Variants in CACNA2D3 observed in about 807,000 individuals in gnomAD.
CACNA2D3 encodes voltage-dependent calcium channel subunit alpha-2/delta-3.
CACNA2D3 carries 60 observed loss-of-function variants against 160.6 expected under a neutral mutation model. The ratio of observed to expected loss-of-function variants is 0.37; its 90% CI spans 0.30 to 0.46. The LOEUF is 0.46. Among genes scored for constraint, CACNA2D3 ranks in the 20% least tolerant of loss-of-function variants. The pLI is 1.00. For missense variants in CACNA2D3, 1,205 were observed against 1,365.0 expected (o/e 0.88, Z 1.85); for synonymous variants, 558 against 492.9 (o/e 1.13, Z -1.75).
At chr3:54,903,762 A>G (rs1559623756) in intron 27 of CACNA2D3, among the ~76,000 whole-genome samples, 1 of 152,132 alleles carries the variant, frequency 6.6e-6, no homozygotes, top group Non-Finnish European at 1.5e-5. Context: ...GACTGGTGTG[A>G]GATGATATCT....
At chr3:54,211,917 A>G (rs1213430704) in intron 2 of CACNA2D3, among the ~76,000 whole-genome samples, 2 of 152,214 alleles carry the variant, frequency 1.3e-5, no homozygotes, top group African/African-American at 4.8e-5. Context: ...AGCAAGGTGC[A>G]CAATGAAGCA....
intron 8 of CACNA2D3, among the ~76,000 whole-genome samples, chr3:54,576,928 T>A (rs1195804001): frequency 2.0e-5 from 3 of 152,032 alleles, no homozygotes; most frequent in African/African-American, 7.2e-5. Flanking sequence ...TCCGAACTAT[T>A]TGGGAAGCTG....
At chr3:54,463,687 A>C (rs879938104) in intron 4 of CACNA2D3, among the ~76,000 whole-genome samples, 4 of 152,184 alleles carry the variant, frequency 2.6e-5, no homozygotes, top group Admixed American at 2.6e-4. Context: ...TTTTAATCAA[A>C]GTTTTTAACT....
At chr3:54,417,444 C>T (rs1484974947) in intron 4 of CACNA2D3, among the ~76,000 whole-genome samples, 1 of 152,120 alleles carries the variant, frequency 6.6e-6, no homozygotes. Flanking sequence ...CGAGTTGGGA[C>T]TAGTTTATTT....
chr3:54,978,152 A>G (rs957181614), intron 29 of CACNA2D3, among the ~76,000 whole-genome samples: 1 of 152,104 alleles, frequency 6.6e-6, no homozygotes, highest in Non-Finnish European at 1.5e-5. Context: ...TATGACCTGT[A>G]TCTTGTGCTG....
At chr3:54,511,991 G>C (rs1701466827) in intron 5 of CACNA2D3, among the ~76,000 whole-genome samples, 1 of 152,166 alleles carries the variant, frequency 6.6e-6, no homozygotes, top group African/African-American at 2.4e-5. Context: ...TGTTCCAGTG[G>C]GGGAAAGAGA....
chr3:54,732,188 A>ACT (rs1319529947), intron 11 of CACNA2D3, among the ~76,000 whole-genome samples: 2 of 152,186 alleles, frequency 1.3e-5, no homozygotes, highest in African/African-American at 4.8e-5. Context: ...TGATGACATC[A>ACT]CTCTGTAATT....
intron 2 of CACNA2D3, chr3:54,272,890 C>T: frequency 6.6e-6 from 1 of 152,244 alleles, no homozygotes; most frequent in East Asian, 1.9e-4. Flanking sequence ...ATGAGTGGGA[C>T]CAAACGGCTC....
At chr3:54,854,824 A>C (rs1699131394) in intron 17 of CACNA2D3, among the ~76,000 whole-genome samples, 1 of 152,186 alleles carries the variant, frequency 6.6e-6, no homozygotes, top group African/African-American at 2.4e-5. Context: ...TAGGCCAAGG[A>C]ATGTGTCAAG....
intron 11 of CACNA2D3, among the ~76,000 whole-genome samples, chr3:54,726,032 C>T (rs1298844436): frequency 6.6e-6 from 1 of 151,986 alleles, no homozygotes; most frequent in African/African-American, 2.4e-5. Flanking sequence ...TCAGTGGAGT[C>T]TCCTTAGGCT....
chr3:54,233,884 A>T (rs1342906426), intron 2 of CACNA2D3, among the ~76,000 whole-genome samples: 1 of 152,216 alleles, frequency 6.6e-6, no homozygotes, highest in East Asian at 1.9e-4. Flanking sequence ...TTGGTCAACA[A>T]TAACACCAAA....
chr3:54,383,161 T>A (rs1323061455), intron 3 of CACNA2D3, among the ~76,000 whole-genome samples: 1 of 152,206 alleles, frequency 6.6e-6, no homozygotes, highest in East Asian at 1.9e-4. Flanking sequence ...CTATGGGAGA[T>A]GGTTTTCTTC....
chr3:54,783,913 A>G (rs1702580780), intron 13 of CACNA2D3, among the ~76,000 whole-genome samples: 1 of 152,240 alleles, frequency 6.6e-6, no homozygotes, highest in Non-Finnish European at 1.5e-5. Flanking sequence ...TAAACATCAC[A>G]AAAGGATTTT....
intron 30 of CACNA2D3, 151 bp from the exon 31 acceptor site, chr3:54,987,532 C>G: frequency 1.8e-6 from 1 of 547,804 alleles, no homozygotes; most frequent in East Asian, 3.0e-5. Flanking sequence ...CCCATGAGTT[C>G]TCATGACTGT....
At chr3:54,311,692 T>C (rs1316545726) in intron 2 of CACNA2D3, among the ~76,000 whole-genome samples, 1 of 152,194 alleles carries the variant, frequency 6.6e-6, no homozygotes, top group African/African-American at 2.4e-5. Flanking sequence ...TGTCAACTTA[T>C]TTTTAAATAA....
chr3:54,892,704 G>A (rs565561973), intron 25 of CACNA2D3, among the ~76,000 whole-genome samples: 1 of 152,292 alleles, frequency 6.6e-6, no homozygotes, highest in Non-Finnish European at 1.5e-5. Flanking sequence ...TTAGGATCCA[G>A]ATAGGCAAGG....
At chr3:54,468,149 C>T (rs2106865660) in intron 4 of CACNA2D3, among the ~76,000 whole-genome samples, 3 of 152,174 alleles carry the variant, frequency 2.0e-5, no homozygotes, top group Middle Eastern at 3.4e-3. Context: ...GGCAAGATGG[C>T]CAAATACAAA....
intron 14 of CACNA2D3, among the ~76,000 whole-genome samples, chr3:54,826,404 C>G (rs1703751583): frequency 6.6e-6 from 1 of 152,162 alleles, no homozygotes; most frequent in Non-Finnish European, 1.5e-5. Context: ...AGATGTTTAT[C>G]CCTTCAAATT....
chr3:54,544,814 T>A (rs1236606398), intron 5 of CACNA2D3, among the ~76,000 whole-genome samples: 1 of 152,258 alleles, frequency 6.6e-6, no homozygotes, highest in East Asian at 1.9e-4. Flanking sequence ...AAATTTATTA[T>A]ATTTTAATTA....
Sources: allele counts gnomAD v4.1 joint callset (sites outside exome capture counted in the v4.1 genomes callset), GRCh38; gene constraint gnomAD v4.1.1; transcripts MANE v1.5; gene names NCBI Gene and HGNC (gene_info 2026-07-23, HGNC 2026-07-21).